IGSF3: variants seen among roughly 807,000 people sequenced by gnomAD.
The protein encoded by IGSF3 is immunoglobulin superfamily member 3.
IGSF3 carries 23 observed loss-of-function variants against 114.4 expected under a neutral mutation model. The observed-to-expected ratio is 0.20, with a 90% CI of 0.14 to 0.28. The LOEUF is 0.28. Among genes scored for constraint, IGSF3 ranks in the 10% least tolerant of loss-of-function variants. IGSF3 has a pLI of 1.00. For missense variants in IGSF3, 1,172 were observed against 1,591.5 expected, an observed-to-expected ratio of 0.74 and a Z score of 4.48; for synonymous variants, 571 against 645.2, an observed-to-expected ratio of 0.88 and a Z score of 1.74.
intron 2 of IGSF3, among the ~76,000 whole-genome samples, chr1:116,620,598 T>C (rs1661386062): frequency 3.3e-5 from 5 of 152,182 alleles, no homozygotes; most frequent in Admixed American, 3.3e-4. Context: ...CATGATGTTA[T>C]GAGGACATCA....
In IGSF3 at chr1:116,584,973, A is replaced by C. The variant is rs1659763399; in HGVS notation, c.2520T>G (p.Val840=). The C allele has an allele frequency of 6.2e-7, 1 of 1,605,616 alleles. No individual in the cohort carries two copies. Among genetic ancestry groups the C allele is most frequent in the Admixed American group, 1.7e-5 (1 of 59,782 alleles). Residue 840 remains valine, a synonymous_variant, in exon 9 of 11, where the codon GTT becomes GTG. Transcript: ENST00000369486. This position sits in a 1 kb window ranked among gnomAD's most constrained non-coding sequence, Gnocchi z 5.8. ...GGGAGGTTATGCTGGTGCGGTTGAG[A>C]ACCACACACTCCAGCTGTACCTGCC... is the stretch of plus-strand genomic sequence containing the variant. ...ETRQVQLECV[V]LNRTSITSQL...
Position 116,579,535 on chromosome 1 carries a change from C to T in IGSF3, c.3191G>A (p.Arg1064Gln), listed in dbSNP as rs771493437. ...GGGGCTTGCCTGCAGCACTGTGAGC[C>T]GGTAGAGCACCGGGGAGAGCCTCTG... Reference protein sequence around the residue: ...RFQRLSPVLYRLTVLQASPQD... With the variant: ...RFQRLSPVLYQLTVLQASPQD... The change falls in exon 10 of 11, where the codon CGG becomes CAG. Residue 1064 changes from arginine to glutamine, a missense_variant. Physicochemically the swap from Arg to Gln is conservative, Grantham distance 43 (BLOSUM62 1). Coordinates refer to ENST00000369486, the MANE Select transcript of IGSF3 (RefSeq NM_001007237.3). The surrounding 1 kb of genome is among the most constrained non-coding windows in gnomAD (Gnocchi z 6.4). 9 of 1,614,124 alleles carry T rather than the reference C, an allele frequency of 5.6e-6. No individual in the cohort carries two copies. Among genetic ancestry groups the T allele is most frequent in the Admixed American group, 3.3e-5 (2 of 60,022 alleles).
chr1:116,601,929 G>A (rs1660606852), intron 6 of IGSF3, among the ~76,000 whole-genome samples: 1 of 152,208 alleles, frequency 6.6e-6, no homozygotes, highest in Non-Finnish European at 1.5e-5. Flanking sequence ...GTCTAGTCCT[G>A]ACACGGGCAC....
In IGSF3 at chr1:116,633,406, T is replaced by C. The variant is rs190902078; in HGVS notation, c.44-16949A>G. 5.9e-5 allele frequency among the ~76,000 whole-genome samples: 9 copies of C among 152,340 alleles called. No individual in the cohort carries two copies. The East Asian group carries it at 1.7e-3, about 29-fold the overall frequency. ...CTTTTTCTCTAAGGCTGATTCCCTATAAGCAAAATTTTAAAATTTTTTTTA... is the reference window on the plus strand; with the variant it reads ...CTTTTTCTCTAAGGCTGATTCCCTACAAGCAAAATTTTAAAATTTTTTTTA... On this transcript the variant is annotated intron_variant, in intron 2 of 10. Transcript: ENST00000369486. This position sits in a 1 kb window ranked among gnomAD's most constrained non-coding sequence, Gnocchi z 4.3.
intron 2 of IGSF3, among the ~76,000 whole-genome samples, chr1:116,617,820 C>A (rs1038769892): frequency 1.3e-5 from 2 of 152,354 alleles, no homozygotes; most frequent in South Asian, 2.1e-4. Flanking sequence ...CCATAGAGGA[C>A]AGGATTTGGC....
chr1:116,646,127 T>C (rs1365964394), intron 2 of IGSF3, among the ~76,000 whole-genome samples: 1 of 152,220 alleles, frequency 6.6e-6, no homozygotes. Context: ...CCCTCCACAT[T>C]TGGGCTCAAA....
At chr1:116,599,864 T>C in intron 7 of IGSF3, 77 bp downstream of exon 7, 2 of 1,330,432 alleles carry the variant, frequency 1.5e-6, no homozygotes, top group Non-Finnish European at 2.1e-6. Flanking sequence ...CGCTAAGGGC[T>C]CCACGCACAC....
Position 116,577,422 on chromosome 1 carries a change from C to A in IGSF3, c.3475G>T (p.Asp1159Tyr). The A allele has an allele frequency of 6.2e-7, 1 of 1,614,218 alleles. No homozygotes were observed. Among genetic ancestry groups the A allele is most frequent in the South Asian group, 1.1e-5 (1 of 91,088 alleles). ...AGCAGAGGCACCCCATTCTTCCCAT[C>A]AGAGTTCTTGCTGGAGTTCCGGCTC... ...FKSRNSSKNS[D>Y]GKNGVPLLWI... The change falls in exon 11 of 11, where the codon GAT becomes TAT. Residue 1159 changes from aspartate (D) to tyrosine (Y), a missense_variant. This residue lies in a region of IGSF3 where 423 missense variants were observed against 509.8 expected (regional missense o/e 0.83). Transcript: ENST00000369486. This position sits in a 1 kb window ranked among gnomAD's most constrained non-coding sequence, Gnocchi z 5.7.
In IGSF3 at chr1:116,576,637, G is replaced by A. The variant is rs1557850876; in HGVS notation, c.*675C>T. On this transcript the variant is annotated 3_prime_UTR_variant, in exon 11 of 11. Transcript: ENST00000369486. This position sits in a 1 kb window ranked among gnomAD's most constrained non-coding sequence, Gnocchi z 4.6. The stretch of plus-strand genomic sequence containing the variant: ...ATCTACTCCTAATGGGGTTATGCAG[G>A]ATTTCTCTTGTACATACACAGTTCT... 1 of 152,608 alleles carries A rather than the reference G, an allele frequency of 6.6e-6. No individual in the cohort carries two copies. Among genetic ancestry groups the A allele is most frequent in the Non-Finnish European group, 1.5e-5 (1 of 68,066 alleles). 9.5% of individuals were successfully genotyped at this position (152,608 alleles called of 1,614,324 possible).
In IGSF3 at chr1:116,585,760, A is replaced by G. The variant is rs1659817744; in HGVS notation, c.2441-708T>C. 6.6e-6 allele frequency among the ~76,000 whole-genome samples: 1 copy of G among 152,144 alleles called. No homozygotes were observed. Among genetic ancestry groups the G allele is most frequent in the Non-Finnish European group, 1.5e-5 (1 of 68,024 alleles). On this transcript the variant is annotated intron_variant, in intron 8 of 10. Coordinates refer to ENST00000369486, the MANE Select transcript of IGSF3 (RefSeq NM_001007237.3). This position sits in a 1 kb window ranked among gnomAD's most constrained non-coding sequence, Gnocchi z 4.9. ...AACACAATGAAACCCCATCTCTACT[A>G]AAAATACAAAAATTAGCCAGGTGTG... is the stretch of plus-strand genomic sequence containing the variant.
At chr1:116,645,198 C>T (rs1648305632) in intron 2 of IGSF3, among the ~76,000 whole-genome samples, 1 of 152,224 alleles carries the variant, frequency 6.6e-6, no homozygotes, top group South Asian at 2.1e-4. Context: ...ACTAGATATA[C>T]ACAAGAACAT....
At chr1:116,619,654 C>T (rs944654415) in intron 2 of IGSF3, among the ~76,000 whole-genome samples, 1 of 152,202 alleles carries the variant, frequency 6.6e-6, no homozygotes, top group Non-Finnish European at 1.5e-5. Context: ...GCTGTGCAGA[C>T]CTCTGCTGCC....
chr1:116,587,102 G>T (rs1489516032), intron 8 of IGSF3, among the ~76,000 whole-genome samples: 1 of 152,126 alleles, frequency 6.6e-6, no homozygotes, highest in Admixed American at 6.5e-5. Context: ...GGGTTCCACT[G>T]GCTTACTGAA....
Position 116,579,259 on chromosome 1 carries a change from T to C in IGSF3, c.3334+133A>G, listed in dbSNP as rs1659484795. 1.7e-6 allele frequency: 2 copies of C among 1,193,266 alleles called. No individual in the cohort carries two copies. The highest frequency in any genetic ancestry group is 4.8e-5 in the East Asian group (2 of 41,652). 73.9% of individuals were successfully genotyped at this position (1,193,266 alleles called of 1,614,324 possible). A position where few individuals can be genotyped will look rare whatever the true frequency, so the allele number is the denominator to read the frequency against. Reference sequence around the variant, plus strand: ...AACTAATATGTCCAATCCCACCATATCTCAAATCCTACTAATAAATGCCCA... The same window carrying C: ...AACTAATATGTCCAATCCCACCATACCTCAAATCCTACTAATAAATGCCCA... On this transcript the variant is annotated intron_variant, in intron 10 of 10. Transcript: ENST00000369486. The surrounding 1 kb of genome is among the most constrained non-coding windows in gnomAD (Gnocchi z 6.4).
Position 116,588,932 on chromosome 1 carries a change from G to T in IGSF3, c.2202C>A (p.Thr734=). 6.2e-7 allele frequency: 1 copy of T among 1,614,194 alleles called. No individual in the cohort carries two copies. Among genetic ancestry groups the T allele is most frequent in the African/African-American group, 1.3e-5 (1 of 75,040 alleles). The change falls in exon 8 of 11, where the codon ACC becomes ACA. Residue 734 remains threonine (T), a synonymous_variant. Transcript: ENST00000369486. This position sits in a 1 kb window ranked among gnomAD's most constrained non-coding sequence, Gnocchi z 4.9. ...DADGKLILKT[T]HNSAFEYGTY... is the part of the protein sequence containing the mutation. The stretch of plus-strand genomic sequence containing the variant: ...TACCGTATTCAAAGGCGGAGTTGTG[G>T]GTGGTCTTCAGGATAAGCTTGCCAT...
chr1:116,635,444 A>G (rs1647782493), intron 2 of IGSF3, among the ~76,000 whole-genome samples: 1 of 152,100 alleles, frequency 6.6e-6, no homozygotes, highest in Non-Finnish European at 1.5e-5. Context: ...GCTCATTCAT[A>G]ATACTTCTTC....
chr1:116,616,591 AG>A lies in IGSF3; in HGVS notation c.44-135del. ...ATAAACAGCTTACTGGCCCTTTCAA[AG>A]GCGCTTTGTGATTTATAAATATTAA... is the stretch of plus-strand genomic sequence containing the variant. On this transcript the variant is annotated intron_variant, in intron 2 of 10. Transcript: ENST00000369486. The surrounding 1 kb of genome is among the most constrained non-coding windows in gnomAD (Gnocchi z 6.6). 1.5e-6 allele frequency: 1 copy of A among 678,984 alleles called. No individual in the cohort carries two copies. Among genetic ancestry groups the A allele is most frequent in the Non-Finnish European group, 2.4e-6 (1 of 414,182 alleles). The allele number at this position is 678,984 out of a possible 1,614,324, so 42.1% of individuals were successfully genotyped here. A position where few individuals can be genotyped will look rare whatever the true frequency, so the allele number is the denominator to read the frequency against.
chr1:116,603,782 A>G lies in IGSF3; in HGVS notation c.1466T>C (p.Val489Ala). 1 of 1,614,002 alleles carries G rather than the reference A, an allele frequency of 6.2e-7. No individual in the cohort carries two copies. The highest frequency in any genetic ancestry group is 8.5e-7 in the Non-Finnish European group (1 of 1,179,878). The stretch of plus-strand genomic sequence containing the variant: ...GCCCAGGCTGAACGAGTTGGGCTGC[A>G]CCTGCTCCATCTGGACGCCCCCAAA... ...SSFGGVQMEQ[V>A]QPNSFSLGIF... is the part of the protein sequence containing the mutation. The change falls in exon 6 of 11, where the codon GTG becomes GCG. Residue 489 changes from valine to alanine, a missense_variant. Val to Ala is a moderately conservative substitution (Grantham distance 64). Around this residue, in one of 3 missense-constraint regions of IGSF3, gnomAD observed 736 missense variants for 1,042.0 expected, o/e 0.71. Coordinates refer to ENST00000369486, the MANE Select transcript of IGSF3 (RefSeq NM_001007237.3). The surrounding 1 kb of genome is among the most constrained non-coding windows in gnomAD (Gnocchi z 7.1).
intron 2 of IGSF3, among the ~76,000 whole-genome samples, chr1:116,641,481 G>A (rs1211005700): frequency 2.9e-4 from 32 of 112,214 alleles, no homozygotes; most frequent in African/African-American, 1.2e-3. Context: ...GGGCAACAGG[G>A]CAAGACTCTG....
Sources: allele counts gnomAD v4.1 joint callset (sites outside exome capture counted in the v4.1 genomes callset), GRCh38; gene constraint gnomAD v4.1.1; regional missense constraint gnomAD v4.1.1; non-coding constraint Gnocchi (gnomAD v3.1); transcripts MANE v1.5; gene names NCBI Gene and HGNC (gene_info 2026-07-23, HGNC 2026-07-21).